Variants in MRTFB observed in about 807,000 individuals in gnomAD.
MRTFB encodes myocardin related transcription factor B, also known as myocardin-related transcription factor B.
A neutral mutation model predicts 104.2 loss-of-function variants in MRTFB; 29 were observed. That is an observed-to-expected ratio of 0.28 (90% CI 0.21 to 0.38). MRTFB has a LOEUF of 0.38. MRTFB is among the 10% of genes least tolerant of loss of function. The pLI, the probability that MRTFB is intolerant of heterozygous loss-of-function variation, is 1.00. For synonymous variants in MRTFB, 535 were observed against 519.5 expected (o/e 1.03, Z -0.41); for missense variants, 1,270 against 1,341.6 (o/e 0.95, Z 0.83).
intron 3 of MRTFB, among the ~76,000 whole-genome samples, chr16:14,161,749 A>G (rs1490000664): frequency 6.6e-6 from 1 of 152,210 alleles, no homozygotes; most frequent in African/African-American, 2.4e-5. Context: ...TAATCAGTGG[A>G]CAAGAGCTTT....
chr16:14,093,913 A>G (rs565774887), intron 2 of MRTFB, among the ~76,000 whole-genome samples: 1,886 of 152,344 alleles, frequency 0.012, 34 homozygotes, highest in African/African-American at 0.041. Context: ...CCTGGAAAAA[A>G]GAATTAAAAA....
the MRTFB span, among the ~76,000 whole-genome samples, chr16:14,007,464 A>G: frequency 6.6e-6 from 1 of 152,176 alleles, no homozygotes; most frequent in African/African-American, 2.4e-5. Context: ...CATTTTATTT[A>G]TTCACTCATC....
chr16:14,132,596 C>T (rs188119030), intron 2 of MRTFB, among the ~76,000 whole-genome samples: 98 of 152,264 alleles, frequency 6.4e-4, no homozygotes, highest in South Asian at 1.2e-3. Context: ...AATATTAACA[C>T]ATTTTACAAG....
chr16:14,252,020 C>G lies in MRTFB; in HGVS notation c.2562C>G (p.Asn854Lys), dbSNP rs1356262237. The change falls in exon 14 of 17, where the codon AAC (asparagine) becomes AAG (lysine). Residue 854 changes from asparagine (N) to lysine (K), a missense_variant. Asn to Lys is a moderately conservative substitution (Grantham distance 94). Coordinates refer to ENST00000571589, the MANE Select transcript of MRTFB (RefSeq NM_001308142.2). ...TGCAAAATGGACCTAACACACCCAA[C>G]AAGGTAACCCTGTGAGGCTTGTGTG... ...PSLQNGPNTP[N>K]KPSSPPPPQQ... The G allele has an allele frequency of 1.2e-6, 2 of 1,613,884 alleles. No individual in the cohort carries two copies. The highest frequency in any genetic ancestry group is 2.2e-5 in the South Asian group (2 of 91,050).
Position 14,090,145 on chromosome 16 carries a change from T to C in MRTFB, c.-64+10791T>C, listed in dbSNP as rs933118492. ...TCTGAAGCAAGTGGTGTTTTAATTT[T>C]GATGAAGTCCAGTTTTCCAATTTGT... On this transcript the variant is annotated intron_variant, in intron 2 of 16. Coordinates refer to ENST00000571589, the MANE Select transcript of MRTFB (RefSeq NM_001308142.2). 2.0e-5 allele frequency among the ~76,000 whole-genome samples: 3 copies of C among 152,330 alleles called. 1 individual carries two copies. The South Asian group carries it at 6.2e-4, about 32-fold the overall frequency.
chr16:14,243,936 T>C (rs1245720992), intron 10 of MRTFB, among the ~76,000 whole-genome samples: 1 of 149,230 alleles, frequency 6.7e-6, no homozygotes, highest in African/African-American at 2.5e-5. Context: ...CTCGGCTCAC[T>C]GCAAGCTCTG....
At chr16:14,126,675 C>G (rs192714303) in intron 2 of MRTFB, among the ~76,000 whole-genome samples, 1 of 152,180 alleles carries the variant, frequency 6.6e-6, no homozygotes, top group Admixed American at 6.5e-5. Flanking sequence ...CTCTTCAATT[C>G]TCCCATCAAT....
chr16:14,128,712 T>A (rs2037285644), intron 2 of MRTFB, among the ~76,000 whole-genome samples: 1 of 152,240 alleles, frequency 6.6e-6, no homozygotes, highest in South Asian at 2.1e-4. Context: ...TACAACAATT[T>A]AACCCATCTC....
chr16:14,255,828 G>C (rs955347820), intron 15 of MRTFB, among the ~76,000 whole-genome samples: 4 of 151,664 alleles, frequency 2.6e-5, no homozygotes, highest in African/African-American at 7.3e-5. Context: ...AAAATCAATA[G>C]AAAGGCCTGG....
intron 8 of MRTFB, 134 bp from the exon 9 acceptor site, chr16:14,234,012 G>T: frequency 9.2e-7 from 1 of 1,085,620 alleles, no homozygotes; most frequent in East Asian, 2.4e-5. Flanking sequence ...TCTGGCCTCA[G>T]ACATAATCAT....
chr16:14,070,923 C>G (rs538313766), upstream of MRTFB, among the ~76,000 whole-genome samples: 11 of 152,306 alleles, frequency 7.2e-5, no homozygotes, highest in Non-Finnish European at 1.3e-4. Flanking sequence ...GCTGGTAATA[C>G]CCACTTTGGA....
intron 2 of MRTFB, among the ~76,000 whole-genome samples, chr16:14,108,134 G>T (rs2036086671): frequency 6.6e-6 from 1 of 152,176 alleles, no homozygotes; most frequent in Admixed American, 6.5e-5. Flanking sequence ...AGGGTCACAT[G>T]CTTCTGGGAG....
chr16:14,257,021 A>G (rs1296515408), intron 15 of MRTFB, among the ~76,000 whole-genome samples: 2 of 152,222 alleles, frequency 1.3e-5, no homozygotes, highest in Non-Finnish European at 2.9e-5. Context: ...GGGAAATGCA[A>G]ATTAAAACCC....
chr16:14,122,063 T>G (rs2036871364), intron 2 of MRTFB, among the ~76,000 whole-genome samples: 1 of 152,160 alleles, frequency 6.6e-6, no homozygotes, highest in African/African-American at 2.4e-5. Context: ...TGTCTCTGTT[T>G]CTTTGGCATG....
Position 14,261,408 on chromosome 16 carries a change from T to C in MRTFB, c.3264T>C (p.Phe1088=). 1 of 1,611,884 alleles carries C rather than the reference T, an allele frequency of 6.2e-7. No individual in the cohort carries two copies. The highest frequency in any genetic ancestry group is 1.1e-5 in the South Asian group (1 of 90,894). ...CGCCGAGCATGTTCTCTGCTGACTT[T>C]CTAGACCCACAGGACCTACCGCTGC... ...TTAPSMFSAD[F]LDPQDLPLPW... The change falls in exon 17 of 17, where the codon TTT becomes TTC. Residue 1088 remains phenylalanine, a synonymous_variant. Coordinates refer to ENST00000571589, the MANE Select transcript of MRTFB (RefSeq NM_001308142.2).
rs1480376243 is a variant in MRTFB, at chr16:14,121,618, G to A, written c.-63-18926G>A. Among the ~76,000 whole-genome samples, 11 of 152,192 alleles carry A rather than the reference G, an allele frequency of 7.2e-5. 1 individual carries two copies. The highest frequency in any genetic ancestry group is 7.2e-4 in the Admixed American group (11 of 15,268). On this transcript the variant is annotated intron_variant, in intron 2 of 16. Coordinates refer to ENST00000571589, the MANE Select transcript of MRTFB (RefSeq NM_001308142.2). ...AAAAGGAAGTATAAAAAGAGTTGCA[G>A]AATGAGGGGAAAAGCCCTGAAAGCG... is the stretch of plus-strand genomic sequence containing the variant.
At chr16:14,058,022 G>T in the MRTFB span, among the ~76,000 whole-genome samples, 1 of 152,306 alleles carries the variant, frequency 6.6e-6, no homozygotes, top group Admixed American at 6.5e-5. Flanking sequence ...AGAATACCCC[G>T]GAGCAGGGAG....
At chr16:14,233,289 A>G (rs919550555) in intron 8 of MRTFB, among the ~76,000 whole-genome samples, 4 of 152,338 alleles carry the variant, frequency 2.6e-5, no homozygotes, top group Non-Finnish European at 4.4e-5. Flanking sequence ...GTTGCAAGAA[A>G]TGGGGGAATA....
At position 14,266,454 on chromosome 16, in the gene MRTFB, G is replaced by C. The variant is rs2151499748; in HGVS notation, c.*5010G>C. The C allele has an allele frequency of 6.6e-6, 1 of 152,230 alleles. No homozygotes were observed. Among genetic ancestry groups the C allele is most frequent in the South Asian group, 2.1e-4 (1 of 4,814 alleles). The allele number at this position is 152,230 out of a possible 1,614,324, so 9.4% of individuals were successfully genotyped here. ...ACCAATCTACAGAGCCCTGCTTGTT[G>C]AAGCACTAGTTTAATCAACAAAAAA... On this transcript the variant is annotated 3_prime_UTR_variant, in exon 17 of 17. Transcript: ENST00000571589.
Sources: gnomAD v4.1 joint callset for allele counts (sites outside exome capture counted in the v4.1 genomes callset) on GRCh38, gnomAD v4.1.1 for gene constraint, MANE v1.5 for transcripts, NCBI Gene and HGNC (gene_info 2026-07-23, HGNC 2026-07-21) for gene names.